Variants in POU6F2 observed in about 807,000 individuals in gnomAD.
The protein encoded by POU6F2 is POU class 6 homeobox 2.
In POU6F2, 31 loss-of-function variants were observed where a neutral mutation model predicts 71.3. That is an observed-to-expected ratio of 0.43 (90% confidence interval 0.33 to 0.59). The LOEUF is 0.59. Ranked by LOEUF, POU6F2 falls within the 20% of genes least tolerant of loss-of-function variation. POU6F2 has a pLI of 0.04. For synonymous variants in POU6F2, 347 were observed against 355.7 expected (o/e 0.98, Z 0.27); for missense variants, 783 against 856.8 (o/e 0.91, Z 1.07).
intron 1 of POU6F2, among the ~76,000 whole-genome samples, chr7:39,053,786 G>C (rs1285441378): frequency 1.3e-5 from 2 of 151,826 alleles, no homozygotes; most frequent in Non-Finnish European, 2.9e-5. Context: ...ATCAGTACTG[G>C]CAAATAGAAC....
intron 2 of POU6F2, among the ~76,000 whole-genome samples, chr7:39,178,332 A>G (rs1012336185): frequency 6.6e-6 from 1 of 152,196 alleles, no homozygotes; most frequent in Non-Finnish European, 1.5e-5. Flanking sequence ...TCTTCCCTGA[A>G]TATCCCACAA....
chr7:39,150,469 T>G (rs1421847757), intron 2 of POU6F2, among the ~76,000 whole-genome samples: 1 of 145,922 alleles, frequency 6.9e-6, no homozygotes, highest in African/African-American at 2.5e-5. Flanking sequence ...TACATTTTTT[T>G]TTTTTTTTTT....
At chr7:39,057,701 C>CT (rs1790560972) in intron 1 of POU6F2, among the ~76,000 whole-genome samples, 1 of 151,978 alleles carries the variant, frequency 6.6e-6, no homozygotes, top group Non-Finnish European at 1.5e-5. Context: ...TGTAGTTTTA[C>CT]TTTTTTTGTT....
intron 1 of POU6F2, among the ~76,000 whole-genome samples, chr7:38,983,863 CATTAAAGGA>C (rs1229007768): frequency 1.3e-5 from 2 of 152,072 alleles, no homozygotes; most frequent in African/African-American, 4.8e-5. Context: ...TGATTATTTA[CATTAAAGGA>C]AATTCTCTAG....
intron 2 of POU6F2, among the ~76,000 whole-genome samples, chr7:39,171,808 C>T (rs537690068): frequency 3.3e-5 from 5 of 152,176 alleles, no homozygotes; most frequent in African/African-American, 9.7e-5. Context: ...ACTTCGGTCT[C>T]GTAACACATC....
intron 4 of POU6F2, among the ~76,000 whole-genome samples, chr7:39,250,888 G>A (rs1447476184): frequency 6.6e-6 from 1 of 152,200 alleles, no homozygotes; most frequent in Admixed American, 6.5e-5. Flanking sequence ...ACGGTGCCAA[G>A]CAGGAACTTG....
chr7:39,387,967 A>G (rs1311064799), intron 5 of POU6F2, among the ~76,000 whole-genome samples: 3 of 152,236 alleles, frequency 2.0e-5, no homozygotes, highest in African/African-American at 7.2e-5. Context: ...GCCACTTCAT[A>G]TCCTTTAATT....
At chr7:39,272,062 T>C (rs1784349477) in intron 4 of POU6F2, among the ~76,000 whole-genome samples, 1 of 152,002 alleles carries the variant, frequency 6.6e-6, no homozygotes, top group African/African-American at 2.4e-5. Context: ...AACATTTAGA[T>C]GGTAGATTTG....
intron 4 of POU6F2, among the ~76,000 whole-genome samples, chr7:39,215,532 T>G (rs1259953085): frequency 5.9e-5 from 9 of 152,212 alleles, no homozygotes; most frequent in Admixed American, 5.2e-4. Flanking sequence ...TATTTATTTT[T>G]GTTTTTCTAT....
intron 2 of POU6F2, among the ~76,000 whole-genome samples, chr7:39,191,543 A>C (rs1793664695): frequency 6.6e-6 from 1 of 152,204 alleles, no homozygotes; most frequent in Non-Finnish European, 1.5e-5. Flanking sequence ...GAGCTCTGAC[A>C]CAGACCCAAA....
intron 2 of POU6F2, among the ~76,000 whole-genome samples, chr7:39,111,866 T>C (rs925547007): frequency 3.9e-5 from 6 of 152,066 alleles, no homozygotes; most frequent in African/African-American, 1.4e-4. Context: ...TTTTTTAATG[T>C]TGGAGAAAGA....
intron 8 of POU6F2, among the ~76,000 whole-genome samples, chr7:39,459,982 A>G (rs1292700831): frequency 2.0e-5 from 3 of 152,174 alleles, no homozygotes; most frequent in Admixed American, 6.5e-5. Flanking sequence ...TCGCAGTTTC[A>G]TAAGCATGCT....
chr7:39,191,085 T>C (rs769007529), intron 2 of POU6F2, among the ~76,000 whole-genome samples: 1 of 152,234 alleles, frequency 6.6e-6, no homozygotes, highest in Non-Finnish European at 1.5e-5. Context: ...CTCACTGATA[T>C]ATAAAGCCCA....
In POU6F2 at chr7:39,438,120, G is replaced by A. The variant is rs138661973; in HGVS notation, c.1320+4837G>A. Among the ~76,000 whole-genome samples the A allele has an allele frequency of 4.0e-3, 609 of 151,682 alleles. 6 individuals carry two copies. The highest frequency in any genetic ancestry group is 0.027 in the East Asian group (141 of 5,148). The stretch of plus-strand genomic sequence containing the variant: ...ATCCCCCTACCCCACAACAGGCCCC[G>A]GTGTGTGATGTTCCCCTTCCTGTGT... On this transcript the variant is annotated intron_variant, in intron 7 of 9. Transcript: ENST00000518318.
intron 1 of POU6F2, chr7:38,984,205 C>A (rs1443594053): frequency 1.3e-5 from 2 of 152,062 alleles, no homozygotes; most frequent in Non-Finnish European, 1.5e-5. Context: ...GTCCTAGGGT[C>A]AAAGATGCAA....
chr7:39,238,582 G>A (rs771549060), intron 4 of POU6F2, among the ~76,000 whole-genome samples: 1 of 152,152 alleles, frequency 6.6e-6, no homozygotes, highest in East Asian at 1.9e-4. Flanking sequence ...GGCCTTTTCC[G>A]GAAAAAGTTT....
At chr7:39,364,122 C>T (rs1786449288) in intron 5 of POU6F2, among the ~76,000 whole-genome samples, 1 of 152,158 alleles carries the variant, frequency 6.6e-6, no homozygotes. Flanking sequence ...CATGGATGCA[C>T]TGAAGCAGTG....
intron 6 of POU6F2, among the ~76,000 whole-genome samples, chr7:39,414,743 T>G: frequency 8.0e-6 from 1 of 125,394 alleles, no homozygotes; most frequent in East Asian, 2.7e-4. Flanking sequence ...AATGAAAGAG[T>G]TATCAATCGC....
intron 4 of POU6F2, among the ~76,000 whole-genome samples, chr7:39,303,897 C>T (rs1323329813): frequency 6.6e-6 from 1 of 152,098 alleles, no homozygotes; most frequent in Non-Finnish European, 1.5e-5. Context: ...AATTTCTTAA[C>T]AAAATTATTA....
Sources: gnomAD v4.1 joint callset for allele counts (sites outside exome capture counted in the v4.1 genomes callset) on GRCh38, gnomAD v4.1.1 for gene constraint, MANE v1.5 for transcripts, NCBI Gene and HGNC (gene_info 2026-07-23, HGNC 2026-07-21) for gene names.